The following FAM120B variants were observed in gnomAD, a reference collection of about 807,000 sequenced individuals.
FAM120B encodes the protein constitutive coactivator of peroxisome proliferator-activated receptor gamma.
FAM120B carries 83 observed loss-of-function variants against 96.3 expected under a neutral mutation model. That is an observed-to-expected ratio of 0.86 (90% CI 0.72 to 1.03). The LOEUF is 1.03. Ranked by LOEUF, FAM120B falls within the 50% of genes least tolerant of loss-of-function variation. The pLI, the probability that FAM120B is intolerant of heterozygous loss-of-function variation, is 0.00. For synonymous variants in FAM120B, 407 were observed against 402.7 expected (o/e 1.01, Z -0.13); for missense variants, 1,027 against 1,121.2 (o/e 0.92, Z 1.20).
At chr6:170,365,688 T>C (rs6914386) in intron 6 of FAM120B, among the ~76,000 whole-genome samples, 45,243 of 150,684 alleles carry the variant, frequency 0.3, 8,304 homozygotes, top group East Asian at 0.9. Context: ...AGCACGGGCC[T>C]CCTGACACAC....
intron 5 of FAM120B, among the ~76,000 whole-genome samples, chr6:170,350,510 C>T (rs918995944): frequency 6.6e-6 from 1 of 152,192 alleles, no homozygotes; most frequent in Non-Finnish European, 1.5e-5. Context: ...GTAGGGGTCT[C>T]CAGCCACCTC....
At chr6:170,294,302 G>T (rs1022746185), upstream of FAM120B, among the ~76,000 whole-genome samples, 1 of 152,190 alleles carries the variant, frequency 6.6e-6, no homozygotes, top group African/African-American at 2.4e-5. The surrounding 1 kb of genome is among the most constrained non-coding windows in gnomAD (Gnocchi z 7.9). Flanking sequence ...ACAAAGTGAG[G>T]CTCATTAGGG....
chr6:170,302,883 G>C (rs1400519937), upstream of FAM120B, among the ~76,000 whole-genome samples: 1 of 152,160 alleles, frequency 6.6e-6, no homozygotes, highest in African/African-American at 2.4e-5. Flanking sequence ...ATTTCTGCAT[G>C]CAACTTTTCT....
chr6:170,358,334 G>A lies in FAM120B; in HGVS notation c.2283+16G>A. 2 of 1,566,234 alleles carry A rather than the reference G, an allele frequency of 1.3e-6. No homozygotes were observed. Among genetic ancestry groups the A allele is most frequent in the Non-Finnish European group, 1.8e-6 (2 of 1,142,002 alleles). On this transcript the variant is annotated intron_variant, in intron 6 of 10. Transcript: ENST00000476287. ...AAATCTACAGGTACAGACGTGACCA[G>A]TTAGTTGTCACTGCCCGGAAGACAG...
intron 1 of FAM120B, among the ~76,000 whole-genome samples, chr6:170,297,244 C>T (rs1012389744): frequency 1.3e-5 from 2 of 152,194 alleles, no homozygotes; most frequent in Admixed American, 6.5e-5. Flanking sequence ...GACCCCGCGT[C>T]CCCCCAGGCT....
At chr6:170,324,920 A>G (rs1785498879) in intron 3 of FAM120B, among the ~76,000 whole-genome samples, 1 of 152,218 alleles carries the variant, frequency 6.6e-6, no homozygotes, top group Non-Finnish European at 1.5e-5. Flanking sequence ...ACAGTTGTTG[A>G]GTAGAGTGTT....
intron 1 of FAM120B, among the ~76,000 whole-genome samples, chr6:170,314,627 C>T (rs1284536462): frequency 6.6e-6 from 1 of 152,144 alleles, no homozygotes; most frequent in Non-Finnish European, 1.5e-5. Flanking sequence ...ATAATAACCA[C>T]CTTTAGAGAA....
chr6:170,352,614 A>G (rs1272558421), intron 5 of FAM120B, among the ~76,000 whole-genome samples: 1 of 152,236 alleles, frequency 6.6e-6, no homozygotes. Context: ...TGAACTCAAG[A>G]TTAAGAAATT....
At chr6:170,371,373 C>T (rs1055812771) in intron 6 of FAM120B, among the ~76,000 whole-genome samples, 2 of 152,168 alleles carry the variant, frequency 1.3e-5, no homozygotes, top group East Asian at 3.8e-4. Context: ...TTGGTAGTTT[C>T]ACTTTTTGGC....
rs147767002 is a variant in FAM120B, at chr6:170,367,579, T to C, written c.2283+9261T>C. ...CCCTTGGCTGGAGCCAGCAGGTAAG[T>C]CCGCGGGGAGACGGCAGGATGGGGA... On this transcript the variant is annotated intron_variant, in intron 6 of 10. Coordinates refer to ENST00000476287, the MANE Select transcript of FAM120B (RefSeq NM_032448.3). 7.4e-3 allele frequency among the ~76,000 whole-genome samples: 1,127 copies of C among 152,296 alleles called. 6 individuals carry two copies. Among genetic ancestry groups the C allele is most frequent in the Middle Eastern group, 0.014 (4 of 292 alleles).
rs754186276 is a variant in FAM120B at position 170,358,299 on chromosome 6, C to T, written c.2264C>T (p.Ser755Leu). The T allele has an allele frequency of 8.7e-6, 14 of 1,605,592 alleles. No individual in the cohort carries two copies. Among genetic ancestry groups the T allele is most frequent in the Non-Finnish European group, 1.0e-5 (12 of 1,174,410 alleles). The change falls in exon 6 of 11, where the codon TCG (serine) becomes TTG (leucine). Residue 755 changes from serine to leucine, a missense_variant. Physicochemically the swap from Ser to Leu is moderately radical, Grantham distance 145. This residue lies in a region of FAM120B where 880 missense variants were observed against 980.9 expected (regional missense o/e 0.90). Transcript: ENST00000476287. ...TTGTGCCTCCAAGGAAAATCCACCT[C>T]GCAGCTTGTAAATCTACAGGTACAG... is the stretch of plus-strand genomic sequence containing the variant. ...QALCLQGKST[S>L]QLVNLQPDYI...
chr6:170,366,596 G>C (rs1462452076), intron 6 of FAM120B, among the ~76,000 whole-genome samples: 4 of 152,212 alleles, frequency 2.6e-5, no homozygotes, highest in Non-Finnish European at 4.4e-5. Flanking sequence ...TGGGAGGTGA[G>C]GGGTGGAGTG....
intron 6 of FAM120B, among the ~76,000 whole-genome samples, chr6:170,380,268 G>T: frequency 6.6e-6 from 1 of 152,020 alleles, no homozygotes; most frequent in South Asian, 2.1e-4. Flanking sequence ...TAGATGCTTA[G>T]GTTGGTTCTG....
At chr6:170,327,195 C>T (rs1015324850) in intron 3 of FAM120B, among the ~76,000 whole-genome samples, 19 of 152,166 alleles carry the variant, frequency 1.2e-4, no homozygotes, top group Middle Eastern at 3.4e-3. Context: ...TACAGGCACC[C>T]GCCACCATGC....
intron 6 of FAM120B, among the ~76,000 whole-genome samples, chr6:170,382,746 T>C (rs1405352208): frequency 6.6e-6 from 1 of 152,202 alleles, no homozygotes; most frequent in African/African-American, 2.4e-5. Flanking sequence ...TTTGATGTAC[T>C]TGCTAGCAAA....
intron 2 of FAM120B, among the ~76,000 whole-genome samples, chr6:170,322,543 G>A (rs1222797896): frequency 6.6e-6 from 1 of 152,180 alleles, no homozygotes; most frequent in Non-Finnish European, 1.5e-5. Flanking sequence ...AAGATGTTCT[G>A]TTGAGACTGA....
intron 6 of FAM120B, among the ~76,000 whole-genome samples, chr6:170,366,332 C>T (rs1194353800): frequency 6.6e-6 from 1 of 152,150 alleles, no homozygotes; most frequent in Admixed American, 6.5e-5. Context: ...TGGCCAGTTG[C>T]CTTGGCAGAG....
At chr6:170,291,199 T>C (rs1783861644), upstream of FAM120B, 2 of 519,054 alleles carry the variant, frequency 3.9e-6, no homozygotes, top group Non-Finnish European at 7.3e-6. Context: ...CTCATTTACA[T>C]TCCTGCAAAA....
Position 170,348,309 on chromosome 6 carries a change from T to C in FAM120B, c.2176T>C (p.Tyr726His). 6.2e-7 allele frequency: 1 copy of C among 1,613,000 alleles called. No individual in the cohort carries two copies. The highest frequency in any genetic ancestry group is 1.1e-5 in the South Asian group (1 of 91,018). Residue 726 changes from tyrosine (Y) to histidine (H), a missense_variant, in exon 5 of 11, where the codon TAC becomes CAC. Tyr to His is a moderately conservative substitution (Grantham distance 83, BLOSUM62 2). Coordinates refer to ENST00000476287, the MANE Select transcript of FAM120B (RefSeq NM_032448.3). ...TCAAGCTTTGTGCTGCCTCTTGATC[T>C]ACCTCTTTGTCCAGGTAATGTCCAG... Reference protein sequence around the residue: ...PFQALCCLLIYLFVQVDTLCL... With the variant: ...PFQALCCLLIHLFVQVDTLCL...
Sources: allele counts gnomAD v4.1 joint callset (sites outside exome capture counted in the v4.1 genomes callset), GRCh38; gene constraint gnomAD v4.1.1; regional missense constraint gnomAD v4.1.1; non-coding constraint Gnocchi (gnomAD v3.1); transcripts MANE v1.5; gene names NCBI Gene and HGNC (gene_info 2026-07-23, HGNC 2026-07-21).